NFIB: variants seen among roughly 807,000 people sequenced by gnomAD.
NFIB encodes the protein nuclear factor I B, also known as nuclear factor 1 B-type.
NFIB carries 11 observed loss-of-function variants against 61.5 expected under a neutral mutation model. The ratio of observed to expected loss-of-function variants is 0.18; its 90% confidence interval spans 0.11 to 0.30. The LOEUF (loss-of-function observed/expected upper bound fraction) is 0.30. NFIB is among the 10% of genes least tolerant of loss of function. NFIB has a pLI of 1.00. For missense variants in NFIB, 471 were observed against 608.9 expected, an observed-to-expected ratio of 0.77 and a Z score of 2.38; for synonymous variants, 260 against 216.5, an observed-to-expected ratio of 1.20 and a Z score of -1.76.
chr9:14,481,812 C>T, the NFIB span, among the ~76,000 whole-genome samples: 13 of 152,226 alleles, frequency 8.5e-5, no homozygotes, highest in African/African-American at 3.1e-4. Context: ...AGAGACTCAC[C>T]CAAGGTAGAA....
chr9:14,100,775 A>G (rs145766714), intron 10 of NFIB, among the ~76,000 whole-genome samples: 2 of 152,364 alleles, frequency 1.3e-5, no homozygotes, highest in African/African-American at 2.4e-5. Flanking sequence ...CAACTTACAA[A>G]TATGCTTTAG....
intron 2 of NFIB, among the ~76,000 whole-genome samples, chr9:14,233,270 C>T (rs1256624957): frequency 1.3e-5 from 2 of 152,048 alleles, no homozygotes; most frequent in Admixed American, 6.6e-5. Context: ...ATTTATATCC[C>T]TTCATGAGAA....
At chr9:14,329,783 G>C (rs1316521529) in intron 1 of NFIB, among the ~76,000 whole-genome samples, 1 of 151,390 alleles carries the variant, frequency 6.6e-6, no homozygotes, top group Non-Finnish European at 1.5e-5. Flanking sequence ...AAAGTGCTGG[G>C]ATTATAGGCG....
intron 10 of NFIB, chr9:14,102,408 A>G: frequency 6.5e-7 from 1 of 1,546,214 alleles, no homozygotes; most frequent in Non-Finnish European, 8.7e-7. Context: ...GGTTGGAAAT[A>G]ATTAAAATGT....
At chr9:14,342,977 A>G (rs2132879214) in intron 1 of NFIB, among the ~76,000 whole-genome samples, 1 of 152,082 alleles carries the variant, frequency 6.6e-6, no homozygotes, top group East Asian at 1.9e-4. Flanking sequence ...TTATTAAAGA[A>G]AGGAGGGAAA....
intron 10 of NFIB, among the ~76,000 whole-genome samples, chr9:14,100,161 T>A (rs2035524193): frequency 6.6e-6 from 1 of 152,206 alleles, no homozygotes; most frequent in Admixed American, 6.5e-5. Flanking sequence ...CATTACCTAC[T>A]AATCAAAAGA....
chr9:14,337,877 T>C (rs2060902922), intron 1 of NFIB, among the ~76,000 whole-genome samples: 1 of 152,246 alleles, frequency 6.6e-6, no homozygotes, highest in African/African-American at 2.4e-5. Context: ...ATGGGTTCCA[T>C]TGTCTTGAAA....
intron 1 of NFIB, chr9:14,398,408 G>A: frequency 2.9e-6 from 2 of 692,938 alleles, no homozygotes; most frequent in Non-Finnish European, 4.6e-6. Flanking sequence ...CCTGCAACAG[G>A]AAGGACCTTC....
the NFIB span, among the ~76,000 whole-genome samples, chr9:14,486,546 G>C: frequency 6.6e-6 from 1 of 152,192 alleles, no homozygotes; most frequent in Non-Finnish European, 1.5e-5. Context: ...CAGTTTTAAT[G>C]ACTGGTAGGG....
At chr9:14,497,549 A>G in the NFIB span, among the ~76,000 whole-genome samples, 1 of 152,192 alleles carries the variant, frequency 6.6e-6, no homozygotes, top group African/African-American at 2.4e-5. Context: ...TGTGTTCATC[A>G]TTGTTTAAGA....
chr9:14,512,513 G>T, the NFIB span, among the ~76,000 whole-genome samples: 4 of 151,864 alleles, frequency 2.6e-5, no homozygotes, highest in Non-Finnish European at 4.4e-5. Flanking sequence ...GATTATATGG[G>T]TTTTTTTCTG....
chr9:14,293,231 G>A (rs1368167246), intron 2 of NFIB, among the ~76,000 whole-genome samples: 1 of 152,146 alleles, frequency 6.6e-6, no homozygotes, highest in Non-Finnish European at 1.5e-5. Flanking sequence ...TCATTTGCAT[G>A]ATCTAATATT....
chr9:14,246,686 C>T (rs1053951308), intron 2 of NFIB, among the ~76,000 whole-genome samples: 1 of 152,190 alleles, frequency 6.6e-6, no homozygotes, highest in African/African-American at 2.4e-5. Context: ...TAGGAAACAT[C>T]CTATGCCAAA....
intron 3 of NFIB, among the ~76,000 whole-genome samples, chr9:14,175,120 A>G (rs974979120): frequency 1.3e-5 from 2 of 150,414 alleles, no homozygotes; most frequent in Non-Finnish European, 3.0e-5. Context: ...CTATAAAATA[A>G]CATTGGAGAG....
chr9:14,128,642 G>C (rs1478073558), intron 6 of NFIB, among the ~76,000 whole-genome samples: 1 of 148,824 alleles, frequency 6.7e-6, no homozygotes, highest in Non-Finnish European at 1.5e-5. Flanking sequence ...GGGTTGTAGT[G>C]AGCCAAGATA....
chr9:14,199,139 G>A (rs1345844868), intron 2 of NFIB, among the ~76,000 whole-genome samples: 1 of 152,220 alleles, frequency 6.6e-6, no homozygotes, highest in African/African-American at 2.4e-5. Flanking sequence ...TTTCCAAGTC[G>A]AACACAGAAG....
chr9:14,088,276 G>T lies in NFIB; in HGVS notation c.*33C>A, dbSNP rs2033179293. On this transcript the variant is annotated 3_prime_UTR_variant, in exon 11 of 11. Transcript: ENST00000380953. Reference sequence around the variant, plus strand: ...ATTTTGGACATTGGCCGGTAAGATGGGTGTCCTATTTGACACTTGGAAAGG... The same window carrying T: ...ATTTTGGACATTGGCCGGTAAGATGTGTGTCCTATTTGACACTTGGAAAGG... The T allele has an allele frequency of 5.0e-6, 8 of 1,596,404 alleles. No homozygotes were observed. The East Asian group carries it at 1.3e-4, about 27-fold the overall frequency.
the NFIB span, among the ~76,000 whole-genome samples, chr9:14,500,768 G>T: frequency 6.6e-6 from 1 of 152,000 alleles, no homozygotes; most frequent in Non-Finnish European, 1.5e-5. Flanking sequence ...GAGAATATTC[G>T]TCTTTGTTTC....
At position 14,275,854 on chromosome 9, in the gene NFIB, A is replaced by G. The variant is rs557471543; in HGVS notation, c.562+31135T>C. 8.5e-5 allele frequency among the ~76,000 whole-genome samples: 13 copies of G among 152,218 alleles called. 1 individual carries two copies. The East Asian group carries it at 1.5e-3, about 18-fold the overall frequency. On this transcript the variant is annotated intron_variant, in intron 2 of 10. Transcript: ENST00000380953. The stretch of plus-strand genomic sequence containing the variant: ...ACATTTGTGTGAATTCAGTAACCAT[A>G]ATCTATCTAATCCTATTATGCCAAA...
Sources: gnomAD v4.1 joint callset for allele counts (sites outside exome capture counted in the v4.1 genomes callset) on GRCh38, gnomAD v4.1.1 for gene constraint, MANE v1.5 for transcripts, NCBI Gene and HGNC (gene_info 2026-07-23, HGNC 2026-07-21) for gene names.